Variants in PTPRD observed in about 807,000 individuals in gnomAD.
PTPRD encodes the protein receptor-type tyrosine-protein phosphatase delta.
PTPRD carries 34 observed loss-of-function variants against 214.5 expected under a neutral mutation model. The observed-to-expected ratio is 0.16, with a 90% confidence interval of 0.12 to 0.21. PTPRD has a LOEUF of 0.21. Among genes scored for constraint, PTPRD ranks in the 10% least tolerant of loss-of-function variants. The pLI, the probability that PTPRD is intolerant of heterozygous loss-of-function variation, is 1.00. For synonymous variants in PTPRD, 1,128 were observed against 845.7 expected (o/e 1.33, Z -5.79); for missense variants, 2,545 against 2,398.7 (o/e 1.06, Z -1.27).
intron 3 of PTPRD, among the ~76,000 whole-genome samples, chr9:10,234,687 T>G (rs2099623187): frequency 6.6e-6 from 1 of 151,986 alleles, no homozygotes; most frequent in Non-Finnish European, 1.5e-5. Flanking sequence ...GTGTTTAACT[T>G]ATTTAAATAA....
intron 12 of PTPRD, among the ~76,000 whole-genome samples, chr9:8,688,799 A>T (rs765076440): frequency 6.6e-6 from 1 of 152,184 alleles, no homozygotes; most frequent in Non-Finnish European, 1.5e-5. Context: ...AAAAATATAC[A>T]TCAAACTACA....
chr9:9,318,687 A>G (rs1255236958), intron 9 of PTPRD, among the ~76,000 whole-genome samples: 13 of 152,188 alleles, frequency 8.5e-5, no homozygotes, highest in Non-Finnish European at 1.5e-5. Flanking sequence ...ATTTCTAATT[A>G]TAGCCTATGT....
At chr9:8,551,360 CTCA>C (rs2082058092) in intron 14 of PTPRD, among the ~76,000 whole-genome samples, 1 of 152,186 alleles carries the variant, frequency 6.6e-6, no homozygotes, top group Non-Finnish European at 1.5e-5. Context: ...CCCATTTAAT[CTCA>C]TCCTTATATG....
At position 9,865,678 on chromosome 9, in the gene PTPRD, C is replaced by A. The variant is rs78947130; in HGVS notation, c.-368+72829G>T. Among the ~76,000 whole-genome samples, 520 of 152,258 alleles carry A rather than the reference C, an allele frequency of 3.4e-3. 3 individuals are homozygous for A. Among genetic ancestry groups the A allele is most frequent in the African/African-American group, 0.012 (486 of 41,544 alleles). On this transcript the variant is annotated intron_variant, in intron 5 of 45. Transcript: ENST00000381196. ...GAAATAAGAAAGTTCTCTGTAATTA[C>A]CATCAAGATCATCAGTTGGTTCTCT...
intron 5 of PTPRD, among the ~76,000 whole-genome samples, chr9:9,897,387 AT>A (rs1394429410): frequency 1.3e-5 from 2 of 152,120 alleles, no homozygotes; most frequent in Admixed American, 1.3e-4. Flanking sequence ...AAAGAAAAAT[AT>A]TTATTAGGAT....
intron 43 of PTPRD, among the ~76,000 whole-genome samples, chr9:8,333,903 A>G (rs191744068): frequency 6.6e-6 from 1 of 152,238 alleles, no homozygotes; most frequent in East Asian, 1.9e-4. Flanking sequence ...AAAACTGATG[A>G]CTTTAAACCA....
At chr9:9,577,936 C>T (rs2154308212) in intron 7 of PTPRD, among the ~76,000 whole-genome samples, 1 of 144,938 alleles carries the variant, frequency 6.9e-6, no homozygotes, top group East Asian at 2.2e-4. Context: ...GTCCCAGGTA[C>T]TTGGGAGACT....
chr9:8,680,037 T>C (rs911523347), intron 12 of PTPRD, among the ~76,000 whole-genome samples: 1 of 152,200 alleles, frequency 6.6e-6, no homozygotes. Context: ...AAATGTAATA[T>C]TGAAACATTT....
At chr9:9,769,858 T>C (rs533830611) in intron 5 of PTPRD, among the ~76,000 whole-genome samples, 21 of 151,810 alleles carry the variant, frequency 1.4e-4, no homozygotes, top group Non-Finnish European at 1.5e-5. Flanking sequence ...GAACATGTGG[T>C]GTCTGGTTTT....
At chr9:8,523,695 C>G (rs2097938712) in intron 18 of PTPRD, among the ~76,000 whole-genome samples, 171 bp from the exon 19 acceptor site, 1 of 152,152 alleles carries the variant, frequency 6.6e-6, no homozygotes, top group Non-Finnish European at 1.5e-5. Context: ...TTAGCAATAT[C>G]TCACAGACTA....
chr9:9,713,607 T>C (rs1335467342), intron 7 of PTPRD, among the ~76,000 whole-genome samples: 1 of 152,082 alleles, frequency 6.6e-6, no homozygotes, highest in Non-Finnish European at 1.5e-5. Context: ...AGAAGCAAAA[T>C]TGAGCTGGTC....
At chr9:9,892,358 G>A (rs926642898) in intron 5 of PTPRD, among the ~76,000 whole-genome samples, 23 of 152,110 alleles carry the variant, frequency 1.5e-4, no homozygotes, top group Admixed American at 3.3e-4. Flanking sequence ...CATGCCTGGC[G>A]GGGAGGAAGT....
intron 26 of PTPRD, among the ~76,000 whole-genome samples, chr9:8,495,767 G>C (rs1178974826): frequency 6.6e-6 from 1 of 152,122 alleles, no homozygotes; most frequent in African/African-American, 2.4e-5. Context: ...CAAAAATGCT[G>C]CTGCACTGGC....
At chr9:8,722,147 G>GTC (rs2098506973) in intron 12 of PTPRD, among the ~76,000 whole-genome samples, 1 of 137,756 alleles carries the variant, frequency 7.3e-6, no homozygotes, top group Non-Finnish European at 1.5e-5. Context: ...GTGTGTGTGT[G>GTC]TGTGTGTGTG....
intron 9 of PTPRD, among the ~76,000 whole-genome samples, chr9:9,319,829 T>C (rs944171710): frequency 6.6e-6 from 1 of 152,180 alleles, no homozygotes; most frequent in Non-Finnish European, 1.5e-5. Context: ...TTAAGTATTT[T>C]TGAATAATTT....
chr9:9,251,187 C>G (rs532336532), intron 9 of PTPRD, among the ~76,000 whole-genome samples: 1 of 152,052 alleles, frequency 6.6e-6, no homozygotes, highest in South Asian at 2.1e-4. Context: ...GCAATAGATC[C>G]CAGGGTTGAG....
intron 11 of PTPRD, among the ~76,000 whole-genome samples, chr9:8,870,712 A>ACACACACACACACACACG (rs1555458008): frequency 2.0e-5 from 3 of 151,206 alleles, no homozygotes; most frequent in East Asian, 3.9e-4. Flanking sequence ...ACACACACAC[A>ACACACACACACACACACG]CACACACACA....
chr9:8,659,020 T>C (rs1383816938), intron 12 of PTPRD, among the ~76,000 whole-genome samples: 1 of 152,118 alleles, frequency 6.6e-6, no homozygotes, highest in African/African-American at 2.4e-5. Context: ...TCCTTCATCC[T>C]TAGGAAGCCT....
Position 8,486,323 on chromosome 9 carries a change from TA to T in PTPRD, c.2493del (p.Asn832ThrfsTer5). ...GAVPGKPRLV[I>X]NHTQMNTALI... is the part of the protein sequence containing the mutation. ...AGAGCAGTATTCATCTGAGTGTGGT[TA>T]ATCACAAGCCGAGGTTTCCCTGGAA... On this transcript the variant is annotated frameshift_variant, in exon 28 of 46. Coordinates refer to ENST00000381196, the MANE Select transcript of PTPRD (RefSeq NM_002839.4). LOFTEE classifies it high-confidence loss of function. 6.2e-7 allele frequency: 1 copy of T among 1,614,158 alleles called. No homozygotes were observed.
Sources: allele counts gnomAD v4.1 joint callset (sites outside exome capture counted in the v4.1 genomes callset), GRCh38; gene constraint gnomAD v4.1.1; transcripts MANE v1.5; gene names NCBI Gene and HGNC (gene_info 2026-07-23, HGNC 2026-07-21).